Variants in ERP44 observed in about 807,000 individuals in gnomAD.
ERP44 encodes the protein endoplasmic reticulum resident protein 44.
Under a neutral mutation model 53.4 loss-of-function variants are expected in ERP44, and 25 were observed. The observed-to-expected ratio is 0.47, with a 90% CI of 0.34 to 0.65. The LOEUF (loss-of-function observed/expected upper bound fraction) is 0.65, where lower values mean the gene tolerates loss of function less well. Ranked by LOEUF, ERP44 falls within the 30% of genes least tolerant of loss-of-function variation. ERP44 has a pLI of 0.01. For synonymous variants in ERP44, 145 were observed against 161.2 expected (o/e 0.90, Z 0.76); for missense variants, 338 against 493.2 (o/e 0.69, Z 2.98).
chr9:100,059,145 T>C (rs898953929), intron 2 of ERP44, among the ~76,000 whole-genome samples: 4 of 152,172 alleles, frequency 2.6e-5, no homozygotes, highest in Non-Finnish European at 4.4e-5. Context: ...CATTTAAAGG[T>C]CCAGGAACAT....
chr9:100,074,938 C>G (rs151025551), intron 1 of ERP44, among the ~76,000 whole-genome samples: 98 of 152,310 alleles, frequency 6.4e-4, no homozygotes, highest in African/African-American at 2.2e-3. Context: ...CAGAGACACA[C>G]TTAGCAGCTG....
At chr9:100,091,123 A>G (rs571975612) in intron 1 of ERP44, among the ~76,000 whole-genome samples, 3 of 152,260 alleles carry the variant, frequency 2.0e-5, no homozygotes, top group African/African-American at 4.8e-5. Flanking sequence ...TTTCTCTACT[A>G]TATTAGCAAT....
At chr9:100,006,021 G>C (rs1434882735) in intron 10 of ERP44, among the ~76,000 whole-genome samples, 4 of 152,126 alleles carry the variant, frequency 2.6e-5, no homozygotes, top group Admixed American at 2.6e-4. Flanking sequence ...TCTTGGAACA[G>C]TTCATAGCTA....
chr9:99,985,150 T>A (rs1446354631), intron 10 of ERP44, 81 bp from the exon 11 acceptor site: 1 of 928,516 alleles, frequency 1.1e-6, no homozygotes, highest in African/African-American at 1.6e-5. Flanking sequence ...TTAAAAAAAC[T>A]TTTGCTAACC....
At chr9:100,067,144 G>A (rs566819180) in intron 1 of ERP44, among the ~76,000 whole-genome samples, 62 of 149,044 alleles carry the variant, frequency 4.2e-4, no homozygotes, top group African/African-American at 1.4e-3. Flanking sequence ...CCAAACAACC[G>A]CTCTCGCTCT....
At chr9:100,081,831 A>G (rs1365659467) in intron 1 of ERP44, among the ~76,000 whole-genome samples, 1 of 152,182 alleles carries the variant, frequency 6.6e-6, no homozygotes, top group African/African-American at 2.4e-5. Flanking sequence ...GCAATTAGGA[A>G]AAACGTTGTA....
In ERP44 at chr9:100,007,570, C is replaced by T; in HGVS notation, c.874+8G>A. ...AAATGATGAAAATAAACACCTTAAT[C>T]TGTCTACCTTTTTCACTTATTAATT... On this transcript the variant is annotated splice_region_variant and intron_variant, in intron 9 of 11. Transcript: ENST00000262455. The T allele has an allele frequency of 7.8e-7, 1 of 1,285,548 alleles. No homozygotes were observed. Among genetic ancestry groups the T allele is most frequent in the Non-Finnish European group, 1.1e-6 (1 of 880,576 alleles). The allele number at this position is 1,285,548 out of a possible 1,614,324, so 79.6% of individuals were successfully genotyped here.
chr9:100,069,983 T>C (rs1335212786), intron 1 of ERP44, among the ~76,000 whole-genome samples: 2 of 152,194 alleles, frequency 1.3e-5, no homozygotes, highest in Non-Finnish European at 2.9e-5. Flanking sequence ...TATATTTTTG[T>C]TATAAAAAGT....
chr9:100,008,162 A>C (rs1240731595), intron 8 of ERP44, among the ~76,000 whole-genome samples: 1 of 152,176 alleles, frequency 6.6e-6, no homozygotes, highest in African/African-American at 2.4e-5. Context: ...TTATATTCTA[A>C]GGTTGCAAAA....
At chr9:100,054,122 T>C (rs1826065406) in intron 3 of ERP44, among the ~76,000 whole-genome samples, 1 of 152,186 alleles carries the variant, frequency 6.6e-6, no homozygotes, top group Non-Finnish European at 1.5e-5. Flanking sequence ...CTCTTTCCTC[T>C]TTTAGCATTC....
intron 4 of ERP44, among the ~76,000 whole-genome samples, chr9:100,040,718 A>G (rs1825890538): frequency 6.6e-6 from 1 of 152,200 alleles, no homozygotes; most frequent in Non-Finnish European, 1.5e-5. Flanking sequence ...AAAAGTCAAA[A>G]TATCCTTGTT....
chr9:100,063,608 A>G (rs1826179627), intron 1 of ERP44, among the ~76,000 whole-genome samples: 1 of 152,166 alleles, frequency 6.6e-6, no homozygotes, highest in Non-Finnish European at 1.5e-5. Context: ...TTCAATTTAG[A>G]CTTGAATAAA....
Position 100,020,703 on chromosome 9 carries a change from A to G in ERP44, c.500T>C (p.Phe167Ser). ...ATAGTTGTCCGAGTCCTTTTGCTCA[A>G]AATATCCAATGATATTTCTTTTGCT... ...DRSKRNIIGY[F>S]EQKDSDNYRV... The change falls in exon 6 of 12, where the codon TTT (phenylalanine) becomes TCT (serine). Residue 167 changes from phenylalanine (F) to serine (S), a missense_variant. By Grantham distance (155) the Phe-to-Ser change is radical. Transcript: ENST00000262455. 2 of 1,603,220 alleles carry G rather than the reference A, an allele frequency of 1.2e-6. No individual in the cohort carries two copies. Among genetic ancestry groups the G allele is most frequent in the Non-Finnish European group, 1.7e-6 (2 of 1,170,808 alleles).
At chr9:100,057,924 T>A in intron 2 of ERP44, 65 bp from the exon 3 acceptor site, 1 of 1,253,434 alleles carries the variant, frequency 8.0e-7, no homozygotes, top group African/African-American at 1.5e-5. Flanking sequence ...AAACATACAG[T>A]TTCATTATGA....
chr9:100,055,539 T>G (rs1199375358), intron 3 of ERP44, among the ~76,000 whole-genome samples: 3 of 152,122 alleles, frequency 2.0e-5, no homozygotes, highest in Non-Finnish European at 4.4e-5. Context: ...CCGGCTAATT[T>G]TTTGTATTTT....
intron 10 of ERP44, among the ~76,000 whole-genome samples, chr9:99,987,616 T>C (rs961176864): frequency 3.3e-5 from 5 of 152,250 alleles, no homozygotes; most frequent in Admixed American, 2.6e-4. Context: ...AACATGTGCA[T>C]AGCATTTTGC....
chr9:100,045,635 C>T (rs992190933), intron 4 of ERP44, among the ~76,000 whole-genome samples: 1 of 152,138 alleles, frequency 6.6e-6, no homozygotes, highest in African/African-American at 2.4e-5. Context: ...AGAAATAATA[C>T]TGTGACTTTG....
chr9:100,043,766 A>C (rs1279791407), intron 4 of ERP44, among the ~76,000 whole-genome samples: 1 of 152,162 alleles, frequency 6.6e-6, no homozygotes, highest in Non-Finnish European at 1.5e-5. Flanking sequence ...AACAGAAAAA[A>C]AAAAAATTCT....
Position 100,069,301 on chromosome 9 carries a change from A to T in ERP44, c.58-9129T>A, listed in dbSNP as rs1177626326. ...AGAATGATCAATAAAAAAAAAAAAG[A>T]AAAAAACCAAACCAACCAAAAAAAA... On this transcript the variant is annotated intron_variant, in intron 1 of 11. Transcript: ENST00000262455. 3.4e-5 allele frequency among the ~76,000 whole-genome samples: 5 copies of T among 147,324 alleles called. No individual in the cohort carries two copies. In the East Asian group the frequency reaches 1.1e-3, roughly 31 times the overall value.
Sources: gnomAD v4.1 joint callset for allele counts (sites outside exome capture counted in the v4.1 genomes callset) on GRCh38, gnomAD v4.1.1 for gene constraint, MANE v1.5 for transcripts, NCBI Gene and HGNC (gene_info 2026-07-23, HGNC 2026-07-21) for gene names.